NAALADL2: variants seen among roughly 807,000 people sequenced by gnomAD.
NAALADL2 encodes the protein N-acetylated alpha-linked acidic dipeptidase like 2.
A neutral mutation model predicts 87.2 loss-of-function variants in NAALADL2; 76 were observed. The observed-to-expected ratio is 0.87, with a 90% CI of 0.72 to 1.05. NAALADL2 has a LOEUF of 1.05. Among genes scored for constraint, NAALADL2 ranks in the 50% least tolerant of loss-of-function variants. The pLI, the probability that NAALADL2 is intolerant of heterozygous loss-of-function variation, is 0.00. For missense variants in NAALADL2, 1,089 were observed against 945.8 expected, an observed-to-expected ratio of 1.15 and a Z score of -1.99; for synonymous variants, 354 against 331.0, an observed-to-expected ratio of 1.07 and a Z score of -0.75.
At chr3:175,069,351 G>C (rs1346959183) in intron 1 of NAALADL2, among the ~76,000 whole-genome samples, 2 of 150,010 alleles carry the variant, frequency 1.3e-5, no homozygotes, top group Admixed American at 1.3e-4. Context: ...AGCGGGCAAA[G>C]GACATGAACA....
intron 3 of NAALADL2, among the ~76,000 whole-genome samples, chr3:174,827,223 T>A (rs962937835): frequency 1.3e-5 from 2 of 152,208 alleles, no homozygotes; most frequent in African/African-American, 4.8e-5. Flanking sequence ...TACTGGTATA[T>A]TAGTTTTGTA....
chr3:174,692,486 C>T (rs1184544889), intron 2 of NAALADL2, among the ~76,000 whole-genome samples: 1 of 152,012 alleles, frequency 6.6e-6, no homozygotes, highest in Non-Finnish European at 1.5e-5. Context: ...TAAACTTTGG[C>T]TATTTTTTTG....
intron 1 of NAALADL2, among the ~76,000 whole-genome samples, chr3:174,882,635 A>ACACATATACGCATATGTGCATATG (rs1560318686): frequency 2.2e-4 from 17 of 77,440 alleles, no homozygotes; most frequent in African/African-American, 8.8e-4. Flanking sequence ...ATGTGCATAT[A>ACACATATACGCATATGTGCATATG]CACATATGTG....
rs1308337214 is a variant in NAALADL2 at position 175,467,103 on chromosome 3, G to C, written c.1452G>C (p.Gly484=). ...CCTTGATGTCAAAAGTTAAGAGAGG[G>C]TGGAGACCAGACCGAACTATTGTTT... The part of the protein sequence containing the change: ...IRALMSKVKR[G]WRPDRTIVFC... The change falls in exon 8 of 14, where the codon GGG becomes GGC. Residue 484 remains glycine, a synonymous_variant. Coordinates refer to ENST00000454872, the MANE Select transcript of NAALADL2 (RefSeq NM_207015.3). 2 of 1,613,910 alleles carry C rather than the reference G, an allele frequency of 1.2e-6. No homozygotes were observed. The highest frequency in any genetic ancestry group is 1.7e-6 in the Non-Finnish European group (2 of 1,179,828).
chr3:174,807,363 T>A (rs1029619018), intron 3 of NAALADL2, among the ~76,000 whole-genome samples: 5 of 152,140 alleles, frequency 3.3e-5, no homozygotes, highest in African/African-American at 7.2e-5. Flanking sequence ...TAAAATGCTC[T>A]GCTTCTTGCT....
chr3:174,909,379 G>A (rs562283028), intron 1 of NAALADL2, among the ~76,000 whole-genome samples: 1 of 152,166 alleles, frequency 6.6e-6, no homozygotes, highest in Non-Finnish European at 1.5e-5. Flanking sequence ...TGGGCAACAA[G>A]AGCAAAATTC....
intron 11 of NAALADL2, among the ~76,000 whole-genome samples, chr3:175,682,957 C>A (rs78464183): frequency 0.016 from 2,483 of 152,024 alleles, 65 homozygotes; most frequent in African/African-American, 0.057. Context: ...AAGGAGAGAT[C>A]TCAAAGTAAA....
chr3:174,754,272 TATC>T (rs1711693261), intron 3 of NAALADL2, among the ~76,000 whole-genome samples: 1 of 151,952 alleles, frequency 6.6e-6, no homozygotes, highest in Admixed American at 6.6e-5. Context: ...TAAAAATGCA[TATC>T]AGGAAGGTTA....
At chr3:175,077,605 C>A (rs910267602) in intron 1 of NAALADL2, among the ~76,000 whole-genome samples, 3 of 152,002 alleles carry the variant, frequency 2.0e-5, no homozygotes, top group African/African-American at 7.2e-5. Flanking sequence ...ATTTACCATT[C>A]CATTAGCATT....
intron 11 of NAALADL2, among the ~76,000 whole-genome samples, chr3:175,669,856 T>A (rs973642253): frequency 2.0e-5 from 3 of 152,042 alleles, no homozygotes; most frequent in Non-Finnish European, 4.4e-5. Flanking sequence ...AGTGAAATAG[T>A]ATTTCATAAG....
chr3:175,515,003 T>G (rs1298933637), intron 9 of NAALADL2, among the ~76,000 whole-genome samples: 1 of 152,126 alleles, frequency 6.6e-6, no homozygotes, highest in African/African-American at 2.4e-5. Context: ...TCCAAGAAAT[T>G]CTGAGATATG....
chr3:175,112,517 T>C (rs1724367621), intron 2 of NAALADL2: 1 of 151,654 alleles, frequency 6.6e-6, no homozygotes, highest in Non-Finnish European at 1.5e-5. Flanking sequence ...TACTCCTCTG[T>C]CATGACATTA....
rs1553841753 is a variant in NAALADL2, at chr3:175,262,575, A to AGTGTGTAT, written c.939+6051_939+6052insATGTGTGT. 3.7e-4 allele frequency among the ~76,000 whole-genome samples: 55 copies of AGTGTGTAT among 147,120 alleles called. 1 individual carries two copies. In the South Asian group the frequency reaches 0.012, roughly 31 times the overall value. ...ACAGATAAAATATTCATGTTGTGTG[A>AGTGTGTAT]GTGTGTGTGTGTGTGTGTGTGTGTG... On this transcript the variant is annotated intron_variant, in intron 4 of 13. Transcript: ENST00000454872.
intron 1 of NAALADL2, among the ~76,000 whole-genome samples, chr3:174,512,701 G>A (rs1244890257): frequency 6.6e-6 from 1 of 152,072 alleles, no homozygotes; most frequent in Non-Finnish European, 1.5e-5. Flanking sequence ...CAGTGAGATA[G>A]CAAAGCTCTG....
chr3:174,531,116 A>G (rs1284555175), intron 1 of NAALADL2, among the ~76,000 whole-genome samples: 1 of 152,136 alleles, frequency 6.6e-6, no homozygotes, highest in Non-Finnish European at 1.5e-5. Flanking sequence ...TAAAAAGCCT[A>G]GTTATTGATA....
intron 1 of NAALADL2, among the ~76,000 whole-genome samples, chr3:174,474,828 A>C (rs1275097323): frequency 6.6e-6 from 1 of 152,162 alleles, no homozygotes; most frequent in Non-Finnish European, 1.5e-5. Flanking sequence ...AGCAATTGAG[A>C]ATTTTGTTAT....
At chr3:175,727,470 A>G (rs753678872) in intron 11 of NAALADL2, among the ~76,000 whole-genome samples, 7 of 152,170 alleles carry the variant, frequency 4.6e-5, no homozygotes, top group Non-Finnish European at 1.0e-4. Flanking sequence ...TGTTTGGGGA[A>G]CTATATATTC....
chr3:174,738,849 G>A (rs886738111), intron 3 of NAALADL2, among the ~76,000 whole-genome samples: 3 of 151,824 alleles, frequency 2.0e-5, no homozygotes, highest in African/African-American at 7.3e-5. Flanking sequence ...TAGTACATTT[G>A]GGGAAAAAAT....
intron 2 of NAALADL2, among the ~76,000 whole-genome samples, chr3:174,725,024 C>G (rs1010749538): frequency 4.6e-5 from 7 of 152,152 alleles, no homozygotes; most frequent in African/African-American, 1.2e-4. Context: ...TCAGCATACA[C>G]TGAGAAGCAC....
Sources: gnomAD v4.1 joint callset for allele counts (sites outside exome capture counted in the v4.1 genomes callset) on GRCh38, gnomAD v4.1.1 for gene constraint, MANE v1.5 for transcripts, NCBI Gene and HGNC (gene_info 2026-07-23, HGNC 2026-07-21) for gene names.